Variants in KCNJ16 observed in about 807,000 individuals in gnomAD.
KCNJ16 encodes the protein potassium inwardly rectifying channel subfamily J member 16, also known as inward rectifier potassium channel 16.
KCNJ16 carries 15 observed loss-of-function variants against 18.5 expected under a neutral mutation model. The ratio of observed to expected loss-of-function variants is 0.81; its 90% confidence interval spans 0.54 to 1.25. The LOEUF (loss-of-function observed/expected upper bound fraction) is 1.25. KCNJ16 is among the 50% of genes most tolerant of loss of function. The pLI is 0.00. For missense variants in KCNJ16, 523 were observed against 525.7 expected (o/e 0.99, Z 0.05); for synonymous variants, 174 against 186.5 (o/e 0.93, Z 0.55).
At chr17:70,094,085 T>C (rs1260071421) in intron 1 of KCNJ16, among the ~76,000 whole-genome samples, 1 of 152,234 alleles carries the variant, frequency 6.6e-6, no homozygotes, top group Admixed American at 6.5e-5. Flanking sequence ...ATTGATGCAA[T>C]GGCTCATGAC....
chr17:70,087,362 C>T (rs2071852818), intron 1 of KCNJ16, among the ~76,000 whole-genome samples: 1 of 152,072 alleles, frequency 6.6e-6, no homozygotes, highest in African/African-American at 2.4e-5. Context: ...CATTTACCAT[C>T]CAACCACTAC....
At chr17:70,113,331 T>G (rs1055624572) in intron 2 of KCNJ16, among the ~76,000 whole-genome samples, 1 of 152,210 alleles carries the variant, frequency 6.6e-6, no homozygotes, top group Non-Finnish European at 1.5e-5. Flanking sequence ...GAAGTCTATA[T>G]TCTCAAAGAG....
chr17:70,078,936 C>A (rs954040647), intron 1 of KCNJ16, among the ~76,000 whole-genome samples: 2 of 152,144 alleles, frequency 1.3e-5, no homozygotes, highest in African/African-American at 4.8e-5. Context: ...ACTATGAACT[C>A]TATTACACGA....
At chr17:70,108,059 T>C (rs904423115) in intron 2 of KCNJ16, among the ~76,000 whole-genome samples, 7 of 152,256 alleles carry the variant, frequency 4.6e-5, no homozygotes, top group Middle Eastern at 3.4e-3. Flanking sequence ...ATAAGCAGAT[T>C]CTAGCCCCGC....
chr17:70,085,780 C>G (rs1206225159), intron 1 of KCNJ16, among the ~76,000 whole-genome samples: 3 of 152,046 alleles, frequency 2.0e-5, no homozygotes, highest in African/African-American at 7.2e-5. Context: ...AAAAAGCAAA[C>G]CACAGAGAAT....
At chr17:70,103,243 G>GTA (rs200019613) in intron 2 of KCNJ16, among the ~76,000 whole-genome samples, 6 of 135,320 alleles carry the variant, frequency 4.4e-5, no homozygotes, top group South Asian at 4.6e-4. Flanking sequence ...ATATTTATGT[G>GTA]TATATATATA....
chr17:70,097,660 T>A (rs2072441229), intron 1 of KCNJ16, among the ~76,000 whole-genome samples: 1 of 152,164 alleles, frequency 6.6e-6, no homozygotes, highest in South Asian at 2.1e-4. Flanking sequence ...TCTACTCTTG[T>A]CTCCTTTACC....
chr17:70,093,982 G>T (rs2072241254), intron 1 of KCNJ16, among the ~76,000 whole-genome samples: 1 of 152,004 alleles, frequency 6.6e-6, no homozygotes, highest in African/African-American at 2.4e-5. Context: ...GGCAAATAAG[G>T]GGAATAATTA....
intron 2 of KCNJ16, among the ~76,000 whole-genome samples, chr17:70,106,347 C>A (rs2072925140): frequency 6.6e-6 from 1 of 152,100 alleles, no homozygotes. Context: ...TTTTCAAAAG[C>A]CTTTACTAGT....
intron 1 of KCNJ16, among the ~76,000 whole-genome samples, chr17:70,095,454 G>T (rs2072312640): frequency 6.6e-6 from 1 of 152,126 alleles, no homozygotes; most frequent in Non-Finnish European, 1.5e-5. Flanking sequence ...ATTTATAGAG[G>T]AAGCCCGGCT....
intron 2 of KCNJ16, among the ~76,000 whole-genome samples, chr17:70,129,044 C>G (rs1021022489): frequency 5.3e-5 from 8 of 152,212 alleles, no homozygotes; most frequent in Non-Finnish European, 4.4e-5. Flanking sequence ...CTGACGCAGG[C>G]TGCTGACTCA....
At chr17:70,079,246 T>C (rs1251462645) in intron 1 of KCNJ16, among the ~76,000 whole-genome samples, 2 of 152,194 alleles carry the variant, frequency 1.3e-5, no homozygotes, top group African/African-American at 4.8e-5. Context: ...TGGATGGCAT[T>C]TGTATGTTAC....
rs552018610 is a variant in KCNJ16, at chr17:70,132,876, G to A, written c.789G>A (p.Leu263=). 1.5e-5 allele frequency: 24 copies of A among 1,614,146 alleles called. No homozygotes were observed. In the East Asian group the frequency reaches 2.0e-4, roughly 13 times the overall value. Residue 263 remains leucine, a synonymous_variant, in exon 4 of 4, where the codon CTG becomes CTA. Coordinates refer to ENST00000392671, the MANE Select transcript of KCNJ16 (RefSeq NM_170741.4). ...ATGAAATTGACCATGAGAGCCCTCT[G>A]TATGCCCTTGACCGCAAAGCAGTAG... ...IVHEIDHESP[L]YALDRKAVAK...
intron 1 of KCNJ16, among the ~76,000 whole-genome samples, chr17:70,080,808 G>A (rs1307048765): frequency 6.6e-6 from 1 of 152,088 alleles, no homozygotes; most frequent in Admixed American, 6.6e-5. Flanking sequence ...TCTCTACTTC[G>A]GGAAAATAAT....
At chr17:70,101,152 AT>A (rs2072601123) in intron 2 of KCNJ16, 1 of 152,178 alleles carries the variant, frequency 6.6e-6, no homozygotes, top group Non-Finnish European at 1.5e-5. Flanking sequence ...ACATCTGGCA[AT>A]GTCTGGTCAC....
intron 2 of KCNJ16, among the ~76,000 whole-genome samples, chr17:70,105,319 T>C (rs1201980577): frequency 6.6e-6 from 1 of 152,124 alleles, no homozygotes; most frequent in Non-Finnish European, 1.5e-5. Flanking sequence ...TGCAGATCCA[T>C]TAAGGGAAGT....
intron 2 of KCNJ16, among the ~76,000 whole-genome samples, chr17:70,125,206 G>C (rs1052029963): frequency 2.6e-5 from 4 of 151,846 alleles, no homozygotes; most frequent in African/African-American, 9.7e-5. Flanking sequence ...TGAGATCAAG[G>C]CTGCAGTGAG....
chr17:70,099,672 C>G (rs2072537420), intron 1 of KCNJ16, among the ~76,000 whole-genome samples: 1 of 152,048 alleles, frequency 6.6e-6, no homozygotes, highest in South Asian at 2.1e-4. Context: ...CATTTCTTCA[C>G]TCAGTCATTT....
chr17:70,099,008 G>A (rs1276591757), intron 1 of KCNJ16, among the ~76,000 whole-genome samples: 1 of 152,170 alleles, frequency 6.6e-6, no homozygotes, highest in African/African-American at 2.4e-5. Flanking sequence ...TCAGTGACCT[G>A]ACATCAGCCA....
Sources: allele counts gnomAD v4.1 joint callset (sites outside exome capture counted in the v4.1 genomes callset), GRCh38; gene constraint gnomAD v4.1.1; transcripts MANE v1.5; gene names NCBI Gene and HGNC (gene_info 2026-07-23, HGNC 2026-07-21).